CCSER1: variants seen among roughly 807,000 people sequenced by gnomAD.
CCSER1 encodes the protein serine-rich coiled-coil domain-containing protein 1.
Under a neutral mutation model 82.0 loss-of-function variants are expected in CCSER1, and 41 were observed. That is an observed-to-expected ratio of 0.50 (90% CI 0.39 to 0.65). CCSER1 has a LOEUF of 0.65. Among genes scored for constraint, CCSER1 ranks in the 30% least tolerant of loss-of-function variants. The pLI, the probability that CCSER1 is intolerant of heterozygous loss-of-function variation, is 0.00. For synonymous variants in CCSER1, 414 were observed against 383.9 expected (o/e 1.08, Z -0.92); for missense variants, 1,119 against 1,064.2 (o/e 1.05, Z -0.72).
intron 9 of CCSER1, among the ~76,000 whole-genome samples, chr4:90,979,519 T>G (rs1035577643): frequency 2.6e-5 from 4 of 151,816 alleles, no homozygotes; most frequent in African/African-American, 9.7e-5. Flanking sequence ...ATTTTTTCGT[T>G]ATGCAAGTAC....
chr4:91,285,264 T>A (rs1369100957), intron 10 of CCSER1, among the ~76,000 whole-genome samples: 1 of 147,800 alleles, frequency 6.8e-6, no homozygotes. Context: ...TTTTTTTTTT[T>A]AAGATGTGTC....
intron 1 of CCSER1, among the ~76,000 whole-genome samples, chr4:90,142,655 C>T (rs1441764226): frequency 6.6e-6 from 1 of 150,874 alleles, no homozygotes; most frequent in Non-Finnish European, 1.5e-5. Flanking sequence ...GAGTAAGCCA[C>T]AATTTTAGCT....
At chr4:90,829,906 G>GCTTC (rs1359562471) in intron 8 of CCSER1, among the ~76,000 whole-genome samples, 1 of 152,106 alleles carries the variant, frequency 6.6e-6, no homozygotes, top group African/African-American at 2.4e-5. Context: ...CCTATCTGAG[G>GCTTC]CTTCCTTCCT....
At chr4:90,886,617 ATATT>A (rs1363239378) in intron 8 of CCSER1, among the ~76,000 whole-genome samples, 1 of 152,240 alleles carries the variant, frequency 6.6e-6, no homozygotes, top group African/African-American at 2.4e-5. Flanking sequence ...TACATACAGA[ATATT>A]TATAATGTAC....
At chr4:90,465,577 C>T (rs1163307879) in intron 4 of CCSER1, among the ~76,000 whole-genome samples, 1 of 152,048 alleles carries the variant, frequency 6.6e-6, no homozygotes, top group Non-Finnish European at 1.5e-5. Flanking sequence ...TTTTTCCTTA[C>T]CTGGTCTATT....
chr4:91,487,337 T>C (rs1758275773), intron 10 of CCSER1, among the ~76,000 whole-genome samples: 1 of 152,144 alleles, frequency 6.6e-6, no homozygotes, highest in South Asian at 2.1e-4. Context: ...ACACAAGGCA[T>C]GCTTTGAACT....
At position 91,388,583 on chromosome 4, in the gene CCSER1, C is replaced by T. The variant is rs568471694; in HGVS notation, c.2218-209989C>T. Among the ~76,000 whole-genome samples, 3 of 152,052 alleles carry T rather than the reference C, an allele frequency of 2.0e-5. No homozygotes were observed. The South Asian group carries it at 6.2e-4, about 31-fold the overall frequency. ...CAACATTTAGTGTTGTCAGTGATTT[C>T]GATTTTGGCCATTCTTATAGGTGTG... On this transcript the variant is annotated intron_variant, in intron 10 of 10. Transcript: ENST00000509176.
Position 90,304,881 on chromosome 4 carries a change from T to C in CCSER1, c.-41-3363T>C, listed in dbSNP as rs1220672304. 2.6e-5 allele frequency among the ~76,000 whole-genome samples: 4 copies of C among 152,172 alleles called. No homozygotes were observed. The East Asian group carries it at 7.7e-4, about 29-fold the overall frequency. ...CCTTTGAATACTTGCTAAAGAGTTA[T>C]GGGACTGACTCTTTCATTTACTGTT... On this transcript the variant is annotated intron_variant, in intron 1 of 10. Coordinates refer to ENST00000509176, the MANE Select transcript of CCSER1 (RefSeq NM_001145065.2).
intron 10 of CCSER1, among the ~76,000 whole-genome samples, chr4:91,404,006 G>T (rs1752517204): frequency 6.6e-6 from 1 of 152,120 alleles, no homozygotes; most frequent in Non-Finnish European, 1.5e-5. Flanking sequence ...GTAGAATTTT[G>T]CTGTGAATCC....
In CCSER1 at chr4:90,610,300, T is replaced by TAAAA. The variant is rs1553959615; in HGVS notation, c.1725-17724_1725-17721dup. On this transcript the variant is annotated intron_variant, in intron 5 of 10. Transcript: ENST00000509176. ...ATAAATAAATAAATAAATAAATAAA[T>TAAAA]AAAATGTGATTTCAGTAAGCTGTAA... Among the ~76,000 whole-genome samples, 997 of 130,298 alleles carry TAAAA rather than the reference T, an allele frequency of 7.7e-3. 13 individuals carry two copies. Among genetic ancestry groups the TAAAA allele is most frequent in the African/African-American group, 0.024 (809 of 34,394 alleles). The allele number at this position is 130,298 out of a possible 152,430, so 85.5% of individuals were successfully genotyped here.
intron 3 of CCSER1, among the ~76,000 whole-genome samples, chr4:90,329,836 G>A (rs1738950287): frequency 6.6e-6 from 1 of 152,036 alleles, no homozygotes; most frequent in Non-Finnish European, 1.5e-5. Context: ...TATTTACAGA[G>A]AAATTTAATT....
At chr4:91,421,267 AT>A (rs1753668433) in intron 10 of CCSER1, among the ~76,000 whole-genome samples, 1 of 152,172 alleles carries the variant, frequency 6.6e-6, no homozygotes, top group Non-Finnish European at 1.5e-5. Flanking sequence ...GTCTCATGAT[AT>A]GTAGTATGCA....
intron 5 of CCSER1, among the ~76,000 whole-genome samples, chr4:90,530,322 A>G (rs1158311215): frequency 6.6e-6 from 1 of 152,210 alleles, no homozygotes; most frequent in African/African-American, 2.4e-5. Flanking sequence ...TGAAACTGAT[A>G]TTGGTGGGCA....
At chr4:91,150,385 A>G (rs1267285763) in intron 10 of CCSER1, among the ~76,000 whole-genome samples, 1 of 152,182 alleles carries the variant, frequency 6.6e-6, no homozygotes, top group Non-Finnish European at 1.5e-5. Flanking sequence ...TTGGGCTGGG[A>G]TGATGGGGTT....
chr4:90,839,477 A>G (rs1205884418), intron 8 of CCSER1, among the ~76,000 whole-genome samples: 1 of 152,224 alleles, frequency 6.6e-6, no homozygotes, highest in Non-Finnish European at 1.5e-5. Context: ...AGCATATGCC[A>G]ACTGAACTTG....
At chr4:91,160,642 A>G (rs548194205) in intron 10 of CCSER1, among the ~76,000 whole-genome samples, 223 of 152,242 alleles carry the variant, frequency 1.5e-3, no homozygotes, top group African/African-American at 5.2e-3. Context: ...TTCTCTGATG[A>G]CCAGTGATGA....
At chr4:90,537,980 C>G (rs1044307775) in intron 5 of CCSER1, among the ~76,000 whole-genome samples, 1 of 152,076 alleles carries the variant, frequency 6.6e-6, no homozygotes. Context: ...TCTACTGTAT[C>G]TCTTTAAATC....
intron 10 of CCSER1, among the ~76,000 whole-genome samples, chr4:91,489,240 GA>G (rs1343620997): frequency 6.6e-6 from 1 of 152,150 alleles, no homozygotes; most frequent in Non-Finnish European, 1.5e-5. Context: ...TATTGGGGTA[GA>G]ATATGAGGTC....
intron 8 of CCSER1, among the ~76,000 whole-genome samples, chr4:90,921,132 A>C (rs1474567716): frequency 6.6e-6 from 1 of 151,750 alleles, no homozygotes; most frequent in African/African-American, 2.4e-5. Flanking sequence ...GTACATATTA[A>C]ATTTATCAAT....
Sources: allele counts gnomAD v4.1 joint callset (sites outside exome capture counted in the v4.1 genomes callset), GRCh38; gene constraint gnomAD v4.1.1; transcripts MANE v1.5; gene names NCBI Gene and HGNC (gene_info 2026-07-23, HGNC 2026-07-21).